The following NCOA3 variants were observed in gnomAD, a reference collection of about 807,000 sequenced individuals.
NCOA3 encodes nuclear receptor coactivator 3, also known as CBP-interacting protein.
In NCOA3, 51 loss-of-function variants were observed where a neutral mutation model predicts 158.8. The ratio of observed to expected loss-of-function variants is 0.32; its 90% CI spans 0.26 to 0.41. The LOEUF (loss-of-function observed/expected upper bound fraction) is 0.41. NCOA3 is among the 10% of genes least tolerant of loss of function. NCOA3 has a pLI of 1.00. For missense variants in NCOA3, 1,510 were observed against 1,746.6 expected, an observed-to-expected ratio of 0.86 and a Z score of 2.41; for synonymous variants, 537 against 592.4, an observed-to-expected ratio of 0.91 and a Z score of 1.36.
At chr20:47,642,661 G>A (rs551912919) in intron 17 of NCOA3, among the ~76,000 whole-genome samples, 11 of 152,126 alleles carry the variant, frequency 7.2e-5, no homozygotes, top group Admixed American at 7.2e-4. Flanking sequence ...CTACTGTACT[G>A]TTCTTAAAAA....
intron 1 of NCOA3, among the ~76,000 whole-genome samples, chr20:47,505,003 GTTT>G (rs1166777115): frequency 1.4e-4 from 4 of 28,542 alleles, no homozygotes; most frequent in Non-Finnish European, 1.6e-4. Flanking sequence ...TGGGTTTTTG[GTTT>G]TTTTTTTTTT....
chr20:47,620,173 C>T (rs57546946), intron 2 of NCOA3, among the ~76,000 whole-genome samples: 2,869 of 152,220 alleles, frequency 0.019, 85 homozygotes, highest in African/African-American at 0.064. Context: ...AGTGCATTGG[C>T]GTGATCATAA....
chr20:47,529,399 A>G (rs1304766864), intron 1 of NCOA3, among the ~76,000 whole-genome samples: 1 of 151,734 alleles, frequency 6.6e-6, no homozygotes. Flanking sequence ...GATTACAGGC[A>G]TGAGCCGCCG....
At chr20:47,540,127 C>T (rs1301654992) in intron 1 of NCOA3, among the ~76,000 whole-genome samples, 2 of 152,204 alleles carry the variant, frequency 1.3e-5, no homozygotes, top group Admixed American at 6.5e-5. Context: ...TTTTTACCAC[C>T]CTACATTGCC....
intron 1 of NCOA3, among the ~76,000 whole-genome samples, chr20:47,530,712 G>C (rs2084531176): frequency 6.6e-6 from 1 of 152,130 alleles, no homozygotes; most frequent in African/African-American, 2.4e-5. Context: ...TGATCCACCT[G>C]CCTTGGTCTC....
intron 1 of NCOA3, among the ~76,000 whole-genome samples, chr20:47,512,345 C>T (rs1018811812): frequency 1.3e-5 from 2 of 151,376 alleles, no homozygotes; most frequent in Non-Finnish European, 3.0e-5. Context: ...CTGAGGCGGG[C>T]GGATCGTGAG....
At chr20:47,570,442 A>G (rs991623302) in intron 1 of NCOA3, among the ~76,000 whole-genome samples, 12 of 152,214 alleles carry the variant, frequency 7.9e-5, no homozygotes, top group African/African-American at 2.9e-4. Flanking sequence ...CCTGTCTCCA[A>G]AAAAGCAGGG....
intron 2 of NCOA3, among the ~76,000 whole-genome samples, chr20:47,595,392 G>T (rs577059291): frequency 3.3e-5 from 5 of 152,288 alleles, no homozygotes; most frequent in African/African-American, 4.8e-5. Flanking sequence ...GAGCCACCAC[G>T]CCTGGCCTTA....
At chr20:47,562,758 A>G (rs927373610) in intron 1 of NCOA3, among the ~76,000 whole-genome samples, 2 of 152,128 alleles carry the variant, frequency 1.3e-5, no homozygotes, top group African/African-American at 2.4e-5. Context: ...AAAAAGTACT[A>G]CTAGTAATTG....
chr20:47,636,006 T>G lies in NCOA3; in HGVS notation c.1620T>G (p.Thr540=). The part of the protein sequence containing the change: ...SEGVGTSLLS[T]LSSPGPKLDN... ...GTGTGGGGACTTCCCTTTTATCTAC[T>G]CTGTCATCACCAGGCCCCAAATTGG... The change falls in exon 12 of 23, where the codon ACT becomes ACG. Residue 540 remains threonine, a synonymous_variant. Transcript: ENST00000371998. The G allele has an allele frequency of 6.2e-7, 1 of 1,614,164 alleles. No homozygotes were observed. Among genetic ancestry groups the G allele is most frequent in the Admixed American group, 1.7e-5 (1 of 60,020 alleles).
intron 20 of NCOA3, among the ~76,000 whole-genome samples, chr20:47,651,961 C>T (rs542667705): frequency 2.0e-5 from 3 of 152,106 alleles, no homozygotes; most frequent in East Asian, 1.9e-4. Flanking sequence ...TCACCGTGCC[C>T]GGCCCTGGAT....
intron 2 of NCOA3, among the ~76,000 whole-genome samples, chr20:47,607,055 C>T (rs887305684): frequency 3.9e-5 from 6 of 152,098 alleles, no homozygotes; most frequent in African/African-American, 9.7e-5. Flanking sequence ...CTAAATGACC[C>T]GGTGTTTGAT....
At chr20:47,638,858 C>A in intron 13 of NCOA3, 150 bp from the exon 14 acceptor site, 1 of 623,088 alleles carries the variant, frequency 1.6e-6, no homozygotes, top group Non-Finnish European at 2.5e-6. Flanking sequence ...TGGGTGAGGG[C>A]CACTTCCCTC....
intron 1 of NCOA3, among the ~76,000 whole-genome samples, chr20:47,553,003 G>C (rs1037601596): frequency 1.3e-5 from 2 of 150,642 alleles, no homozygotes; most frequent in Admixed American, 6.6e-5. Context: ...GTACGATCTT[G>C]GTTCACTGTA....
At chr20:47,631,748 C>G (rs1040616478) in intron 8 of NCOA3, among the ~76,000 whole-genome samples, 2 of 152,182 alleles carry the variant, frequency 1.3e-5, no homozygotes, top group Non-Finnish European at 2.9e-5. Flanking sequence ...TCTCTTCGGA[C>G]AAACAACTTT....
At chr20:47,603,118 T>C (rs922367807) in intron 2 of NCOA3, among the ~76,000 whole-genome samples, 1 of 152,220 alleles carries the variant, frequency 6.6e-6, no homozygotes, top group African/African-American at 2.4e-5. Context: ...TTAGAAAACA[T>C]TTTAAGTGCC....
chr20:47,603,718 C>A (rs1226928882), intron 2 of NCOA3, among the ~76,000 whole-genome samples: 2 of 152,130 alleles, frequency 1.3e-5, no homozygotes, highest in African/African-American at 4.8e-5. Context: ...ATCCAGTGGC[C>A]CATCTCCTCT....
chr20:47,637,172 T>A (rs2086528877), intron 12 of NCOA3, among the ~76,000 whole-genome samples: 1 of 152,230 alleles, frequency 6.6e-6, no homozygotes. Context: ...TATATTAATA[T>A]GCACTTGAGA....
rs1556556372 is a variant in NCOA3 at position 47,511,550 on chromosome 20, T to TATACATAC, written c.-99+9534_-99+9535insCATACATA. ...ATATATATATATATATATATATATA[T>TATACATAC]ATATATTTCTTTTTTTTTTTGAGAC... On this transcript the variant is annotated intron_variant, in intron 1 of 22. Transcript: ENST00000371998. 5.7e-4 allele frequency among the ~76,000 whole-genome samples: 30 copies of TATACATAC among 52,270 alleles called. 4 individuals are homozygous for TATACATAC. The highest frequency in any genetic ancestry group is 5.2e-4 in the Non-Finnish European group (13 of 25,114). 34.3% of individuals were successfully genotyped at this position (52,270 alleles called of 152,430 possible). A position where few individuals can be genotyped will look rare whatever the true frequency, so the allele number is the denominator to read the frequency against.
Sources: allele counts gnomAD v4.1 joint callset (sites outside exome capture counted in the v4.1 genomes callset), GRCh38; gene constraint gnomAD v4.1.1; transcripts MANE v1.5; gene names NCBI Gene and HGNC (gene_info 2026-07-23, HGNC 2026-07-21).